PCCA: variants seen among roughly 807,000 people sequenced by gnomAD.
The protein encoded by PCCA is propionyl-CoA carboxylase subunit alpha.
PCCA carries 74 observed loss-of-function variants against 101.3 expected under a neutral mutation model. The observed-to-expected ratio is 0.73, with a 90% CI of 0.61 to 0.89. The LOEUF (loss-of-function observed/expected upper bound fraction) is 0.89. PCCA is among the 40% of genes least tolerant of loss of function. The pLI, the probability that PCCA is intolerant of heterozygous loss-of-function variation, is 0.00. For synonymous variants in PCCA, 294 were observed against 313.6 expected, an observed-to-expected ratio of 0.94 and a Z score of 0.66; for missense variants, 891 against 907.0, an observed-to-expected ratio of 0.98 and a Z score of 0.23.
At chr13:100,409,036 A>C (rs911929469) in intron 19 of PCCA, among the ~76,000 whole-genome samples, 1 of 152,146 alleles carries the variant, frequency 6.6e-6, no homozygotes, top group South Asian at 2.1e-4. Context: ...TCGTGGCAGA[A>C]AATGCCAGCC....
At chr13:100,452,116 C>T (rs1341938194) in intron 21 of PCCA, among the ~76,000 whole-genome samples, 1 of 137,800 alleles carries the variant, frequency 7.3e-6, no homozygotes, top group Non-Finnish European at 1.6e-5. Context: ...TCTCTCTCTC[C>T]TCTTCTTCCT....
intron 1 of PCCA, among the ~76,000 whole-genome samples, chr13:100,089,647 CTG>C (rs1447911436): frequency 2.0e-5 from 3 of 152,230 alleles, no homozygotes; most frequent in Admixed American, 1.3e-4. Flanking sequence ...TGAAGGGACA[CTG>C]TGAACTGTTG....
chr13:100,418,360 A>G (rs1014248406), intron 19 of PCCA, among the ~76,000 whole-genome samples: 1 of 152,096 alleles, frequency 6.6e-6, no homozygotes, highest in Non-Finnish European at 1.5e-5. Context: ...TTTCTCTGAT[A>G]ACTTCTCCTC....
Position 100,325,718 on chromosome 13 carries a change from C to T in PCCA, c.1430-4843C>T, listed in dbSNP as rs988071456. On this transcript the variant is annotated intron_variant, in intron 16 of 23. Coordinates refer to ENST00000376285, the MANE Select transcript of PCCA (RefSeq NM_000282.4). ...AGCCTTGAAGGAAAATGATAAGCAC[C>T]GGCTGCCAGTCTTCTGGTTGTACAA... is the stretch of plus-strand genomic sequence containing the variant. Among the ~76,000 whole-genome samples, 7 of 152,200 alleles carry T rather than the reference C, an allele frequency of 4.6e-5. No homozygotes were observed. The South Asian group carries it at 6.2e-4, about 14-fold the overall frequency.
At chr13:100,277,607 C>T (rs1162016485) in intron 12 of PCCA, among the ~76,000 whole-genome samples, 1 of 152,128 alleles carries the variant, frequency 6.6e-6, no homozygotes, top group Non-Finnish European at 1.5e-5. Context: ...AAGCAGTGAG[C>T]GGGCAGTGGA....
At chr13:100,297,216 T>C (rs557026377) in intron 12 of PCCA, among the ~76,000 whole-genome samples, 165 of 152,328 alleles carry the variant, frequency 1.1e-3, no homozygotes, top group African/African-American at 3.5e-3. Flanking sequence ...GTTTCTACAC[T>C]GTAGACTTTC....
At chr13:100,183,131 T>C (rs1163032675) in intron 6 of PCCA, among the ~76,000 whole-genome samples, 1 of 152,038 alleles carries the variant, frequency 6.6e-6, no homozygotes, top group Non-Finnish European at 1.5e-5. Context: ...TCTGTGTGTG[T>C]GCGTGTGGGT....
intron 12 of PCCA, among the ~76,000 whole-genome samples, chr13:100,294,994 C>T (rs2065414090): frequency 6.6e-6 from 1 of 152,136 alleles, no homozygotes; most frequent in Non-Finnish European, 1.5e-5. Context: ...CAGGCTGTCA[C>T]TCTTGAATAT....
intron 14 of PCCA, among the ~76,000 whole-genome samples, chr13:100,306,606 C>T (rs1476890151): frequency 6.6e-6 from 1 of 152,008 alleles, no homozygotes; most frequent in East Asian, 1.9e-4. Context: ...CCCCTACCCC[C>T]CACCCCAAGA....
intron 19 of PCCA, among the ~76,000 whole-genome samples, chr13:100,407,057 C>G (rs995478534): frequency 1.3e-5 from 2 of 152,180 alleles, no homozygotes; most frequent in African/African-American, 2.4e-5. Context: ...CAGTTAGAAA[C>G]ACAACTGACA....
chr13:100,268,552 A>T, intron 10 of PCCA, 137 bp from the exon 11 acceptor site: 4 of 754,310 alleles, frequency 5.3e-6, no homozygotes, highest in Non-Finnish European at 9.8e-6. Flanking sequence ...ATGAATCAAA[A>T]TAATGTTTTG....
At chr13:100,415,954 G>A (rs1476210793) in intron 19 of PCCA, among the ~76,000 whole-genome samples, 2 of 152,062 alleles carry the variant, frequency 1.3e-5, no homozygotes, top group East Asian at 3.9e-4. Context: ...GTTTTTTAAT[G>A]GTAAAGGATG....
At chr13:100,350,967 T>C (rs1303383443) in intron 18 of PCCA, among the ~76,000 whole-genome samples, 1 of 152,256 alleles carries the variant, frequency 6.6e-6, no homozygotes, top group African/African-American at 2.4e-5. Flanking sequence ...CAATCCCTTT[T>C]TTAACCTGTC....
At chr13:100,306,348 C>T (rs749657996) in intron 14 of PCCA, among the ~76,000 whole-genome samples, 14 of 152,208 alleles carry the variant, frequency 9.2e-5, no homozygotes, top group Non-Finnish European at 1.5e-4. Context: ...CTAGGATGTG[C>T]CTGACAGTCT....
chr13:100,399,146 G>A (rs892432452), intron 19 of PCCA, among the ~76,000 whole-genome samples: 8 of 151,906 alleles, frequency 5.3e-5, no homozygotes, highest in African/African-American at 1.5e-4. Context: ...CTTTAAACTC[G>A]TATACAAAAA....
intron 22 of PCCA, among the ~76,000 whole-genome samples, chr13:100,524,994 T>TA (rs2087651579): frequency 8.3e-6 from 1 of 119,794 alleles, no homozygotes; most frequent in Non-Finnish European, 1.9e-5. Flanking sequence ...GATAGATAGA[T>TA]AGATAGATAG....
intron 7 of PCCA, among the ~76,000 whole-genome samples, chr13:100,230,539 C>CAAAA (rs112076583): frequency 0.013 from 1,628 of 121,824 alleles, 15 homozygotes; most frequent in Non-Finnish European, 0.022. Context: ...ACTCCCATCT[C>CAAAA]AAAAAAAAAA....
chr13:100,101,055 A>C (rs1446831246), intron 1 of PCCA, among the ~76,000 whole-genome samples: 1 of 152,094 alleles, frequency 6.6e-6, no homozygotes, highest in African/African-American at 2.4e-5. Flanking sequence ...TGCCCGCCTC[A>C]GCCTCCCAAA....
intron 6 of PCCA, among the ~76,000 whole-genome samples, chr13:100,196,481 G>C (rs2058110588): frequency 6.6e-6 from 1 of 152,074 alleles, no homozygotes; most frequent in South Asian, 2.1e-4. Context: ...AGTTACCACT[G>C]TTCTCTTTCC....
Sources: gnomAD v4.1 joint callset for allele counts (sites outside exome capture counted in the v4.1 genomes callset) on GRCh38, gnomAD v4.1.1 for gene constraint, MANE v1.5 for transcripts, NCBI Gene and HGNC (gene_info 2026-07-23, HGNC 2026-07-21) for gene names.